DLGAP1: variants seen among roughly 807,000 people sequenced by gnomAD.
DLGAP1 encodes DLG associated protein 1, also known as disks large-associated protein 1.
In DLGAP1, 11 loss-of-function variants were observed where a neutral mutation model predicts 90.8. The ratio of observed to expected loss-of-function variants is 0.12; its 90% confidence interval spans 0.08 to 0.20. The LOEUF (loss-of-function observed/expected upper bound fraction) is 0.20. Among genes scored for constraint, DLGAP1 ranks in the 10% least tolerant of loss-of-function variants. The pLI, the probability that DLGAP1 is intolerant of heterozygous loss-of-function variation, is 1.00. For missense variants in DLGAP1, 1,050 were observed against 1,333.8 expected (o/e 0.79, Z 3.31); for synonymous variants, 558 against 540.7 (o/e 1.03, Z -0.44).
chr18:3,657,845 C>T (rs1599758597), intron 7 of DLGAP1, among the ~76,000 whole-genome samples: 1 of 151,956 alleles, frequency 6.6e-6, no homozygotes, highest in East Asian at 1.9e-4. Flanking sequence ...ACCTCGTGAT[C>T]CGCCCGCCTC....
intron 7 of DLGAP1, among the ~76,000 whole-genome samples, chr18:3,636,520 T>C (rs2058721107): frequency 1.3e-5 from 2 of 151,278 alleles, no homozygotes; most frequent in African/African-American, 2.4e-5. Flanking sequence ...CAAGTGATTC[T>C]CCTGCTTCAG....
intron 4 of DLGAP1, among the ~76,000 whole-genome samples, chr18:3,849,616 CT>C: frequency 6.6e-6 from 1 of 152,282 alleles, no homozygotes; most frequent in African/African-American, 2.4e-5. Context: ...AGACATTTCA[CT>C]GCCAGAGAAC....
At chr18:4,087,028 GAT>G (rs145482904) in intron 2 of DLGAP1, among the ~76,000 whole-genome samples, 2 of 121,868 alleles carry the variant, frequency 1.6e-5, no homozygotes, top group East Asian at 2.0e-4. Context: ...CCTTGTCTGA[GAT>G]ATATATATAT....
At chr18:3,681,729 G>A (rs2060519614) in intron 7 of DLGAP1, among the ~76,000 whole-genome samples, 1 of 152,142 alleles carries the variant, frequency 6.6e-6, no homozygotes, top group African/African-American at 2.4e-5. Context: ...GGCCTTGTGG[G>A]GAGTGATTTG....
intron 7 of DLGAP1, among the ~76,000 whole-genome samples, chr18:3,611,194 CAA>C (rs1186260135): frequency 2.6e-5 from 4 of 151,886 alleles, no homozygotes; most frequent in African/African-American, 9.7e-5. Flanking sequence ...TTTATAGACT[CAA>C]ATTATCAAGG....
intron 5 of DLGAP1, among the ~76,000 whole-genome samples, chr18:3,752,245 T>C (rs910521118): frequency 2.0e-5 from 3 of 152,172 alleles, no homozygotes; most frequent in African/African-American, 7.2e-5. Flanking sequence ...TTTTAAAGTG[T>C]GTACTTCAGT....
At chr18:4,137,990 G>A (rs555889749) in intron 2 of DLGAP1, among the ~76,000 whole-genome samples, 5 of 152,182 alleles carry the variant, frequency 3.3e-5, no homozygotes, top group Admixed American at 3.3e-4. Context: ...GAATTTATCA[G>A]TTGTAATAGT....
In DLGAP1 at chr18:3,498,860, G is replaced by T; in HGVS notation, c.*325C>A. ...CTAGCTCGAGAGAACTGAGGACGGC[G>T]GGTGACCTAAAGGCATCACTTCTAC... On this transcript the variant is annotated 3_prime_UTR_variant, in exon 13 of 13. Transcript: ENST00000315677. The T allele has an allele frequency of 2.9e-6, 1 of 343,620 alleles. No homozygotes were observed. Among genetic ancestry groups the T allele is most frequent in the South Asian group, 6.6e-5 (1 of 15,108 alleles). 21.3% of individuals were successfully genotyped at this position (343,620 alleles called of 1,614,324 possible). A position where few individuals can be genotyped will look rare whatever the true frequency, so the allele number is the denominator to read the frequency against.
At chr18:4,069,370 G>T (rs1447113952) in intron 2 of DLGAP1, among the ~76,000 whole-genome samples, 4 of 152,116 alleles carry the variant, frequency 2.6e-5, no homozygotes, top group Non-Finnish European at 5.9e-5. Context: ...GTTGTAAAGT[G>T]CAAGTCATAC....
chr18:4,440,164 G>A (rs543228821), intron 1 of DLGAP1, among the ~76,000 whole-genome samples: 2 of 144,716 alleles, frequency 1.4e-5, no homozygotes, highest in South Asian at 4.5e-4. Flanking sequence ...AGAAAAATAA[G>A]TGCCAGCAAT....
intron 3 of DLGAP1, among the ~76,000 whole-genome samples, chr18:3,990,528 A>G (rs548349701): frequency 6.6e-6 from 1 of 151,180 alleles, no homozygotes; most frequent in South Asian, 2.1e-4. Flanking sequence ...GATATACCTA[A>G]TGCTAAATGA....
At chr18:4,339,352 A>C (rs2081140445) in intron 1 of DLGAP1, among the ~76,000 whole-genome samples, 1 of 152,218 alleles carries the variant, frequency 6.6e-6, no homozygotes. Flanking sequence ...GAGAGCATCA[A>C]GACAAAAAGT....
chr18:3,713,933 C>T (rs1330679740), intron 7 of DLGAP1, among the ~76,000 whole-genome samples: 1 of 152,164 alleles, frequency 6.6e-6, no homozygotes, highest in Non-Finnish European at 1.5e-5. Context: ...AGTGGGGACA[C>T]TGTCAGGATT....
Position 4,382,090 on chromosome 18 carries a change from G to A in DLGAP1, c.-267+72916C>T, listed in dbSNP as rs190260404. Among the ~76,000 whole-genome samples, 590 of 152,176 alleles carry A rather than the reference G, an allele frequency of 3.9e-3. 2 individuals are homozygous for A. The highest frequency in any genetic ancestry group is 0.013 in the African/African-American group (545 of 41,522). On this transcript the variant is annotated intron_variant, in intron 1 of 12. Coordinates refer to ENST00000315677, the MANE Select transcript of DLGAP1 (RefSeq NM_004746.4). The stretch of plus-strand genomic sequence containing the variant: ...TCCCACTAGGTCCCTCCCACAACAT[G>A]TGGGAATTATGGGAATTACAATACA...
chr18:4,394,215 G>A (rs1437460198), intron 1 of DLGAP1, among the ~76,000 whole-genome samples: 1 of 152,164 alleles, frequency 6.6e-6, no homozygotes, highest in Non-Finnish European at 1.5e-5. Context: ...TGAGTTCCAT[G>A]AGCCTTGAAA....
chr18:3,616,493 T>C (rs2057873130), intron 7 of DLGAP1, among the ~76,000 whole-genome samples: 1 of 151,858 alleles, frequency 6.6e-6, no homozygotes, highest in African/African-American at 2.4e-5. Context: ...CTCACACCTA[T>C]AATCCCAGCA....
At chr18:3,718,926 G>GAAAAAAAA (rs58552058) in intron 7 of DLGAP1, among the ~76,000 whole-genome samples, 1 of 95,470 alleles carries the variant, frequency 1.0e-5, no homozygotes, top group Non-Finnish European at 2.1e-5. Context: ...GACTTTGTCT[G>GAAAAAAAA]AAAAAAAAAA....
At chr18:3,596,932 ACACCAGCTGGTCCCCTGGGTCGTC>A in intron 7 of DLGAP1, 1 of 520,020 alleles carries the variant, frequency 1.9e-6, no homozygotes, top group Non-Finnish European at 3.8e-6. Context: ...CCATTCTCTG[ACACCAGCTGGTCCCCTGGGTCGTC>A]CACCCGATGT....
chr18:4,061,462 A>G (rs889725774), intron 2 of DLGAP1, among the ~76,000 whole-genome samples: 1 of 152,204 alleles, frequency 6.6e-6, no homozygotes. Context: ...ACATTGGAAT[A>G]AAAGTACAAC....
Sources: gnomAD v4.1 joint callset for allele counts (sites outside exome capture counted in the v4.1 genomes callset) on GRCh38, gnomAD v4.1.1 for gene constraint, MANE v1.5 for transcripts, NCBI Gene and HGNC (gene_info 2026-07-23, HGNC 2026-07-21) for gene names.